The following ARMC8 variants were observed in gnomAD, a reference collection of about 807,000 sequenced individuals.
The protein encoded by ARMC8 is armadillo repeat-containing protein 8.
Under a neutral mutation model 99.3 loss-of-function variants are expected in ARMC8, and 20 were observed. The ratio of observed to expected loss-of-function variants is 0.20; its 90% confidence interval spans 0.14 to 0.29. ARMC8 has a LOEUF of 0.29. Ranked by LOEUF, ARMC8 falls within the 10% of genes least tolerant of loss-of-function variation. The probability of loss-of-function intolerance (pLI) is 1.00; values close to 1 mark genes in which losing one functional copy is unlikely to be tolerated. For synonymous variants in ARMC8, 263 were observed against 278.3 expected (o/e 0.95, Z 0.55); for missense variants, 569 against 809.5 (o/e 0.70, Z 3.60).
intron 19 of ARMC8, chr3:138,287,972 T>C: frequency 5.4e-6 from 1 of 185,638 alleles, no homozygotes; most frequent in Admixed American, 5.7e-5. Flanking sequence ...GGTTGTACTT[T>C]CAGTACATAA....
At chr3:138,208,881 T>C (rs1250020098) in intron 1 of ARMC8, among the ~76,000 whole-genome samples, 1 of 152,182 alleles carries the variant, frequency 6.6e-6, no homozygotes, top group Non-Finnish European at 1.5e-5. Context: ...AGGAGGTAAG[T>C]GTCTTCCCTT....
chr3:138,227,185 T>A (rs934619320), intron 5 of ARMC8, among the ~76,000 whole-genome samples: 4 of 152,210 alleles, frequency 2.6e-5, no homozygotes, highest in Admixed American at 1.3e-4. Flanking sequence ...ATAATTGTTA[T>A]TTGCCTTAAT....
intron 6 of ARMC8, among the ~76,000 whole-genome samples, chr3:138,230,039 T>G (rs2045952709): frequency 6.6e-6 from 1 of 152,200 alleles, no homozygotes; most frequent in Non-Finnish European, 1.5e-5. Flanking sequence ...CTAAACCCCC[T>G]TCCAAACAAA....
chr3:138,275,112 A>T (rs2049150406), intron 18 of ARMC8, among the ~76,000 whole-genome samples: 1 of 152,100 alleles, frequency 6.6e-6, no homozygotes, highest in Admixed American at 6.5e-5. Context: ...ATTTTCTGGG[A>T]TTTATCATGG....
intron 9 of ARMC8, chr3:138,238,369 A>G (rs1264362486): frequency 6.6e-6 from 1 of 152,204 alleles, no homozygotes; most frequent in Non-Finnish European, 1.5e-5. Flanking sequence ...CCAGCTGCAG[A>G]GTTTTTATTA....
At chr3:138,188,366 G>A (rs959606340) in intron 1 of ARMC8, 3 of 1,421,692 alleles carry the variant, frequency 2.1e-6, no homozygotes, top group African/African-American at 1.5e-5. Context: ...GACATGCCAG[G>A]AAGTAAAACC....
At chr3:138,256,632 G>T (rs1307456742) in intron 12 of ARMC8, among the ~76,000 whole-genome samples, 1 of 151,768 alleles carries the variant, frequency 6.6e-6, no homozygotes, top group Non-Finnish European at 1.5e-5. Context: ...GGATGTTCTC[G>T]ATGTCCCGAC....
intron 9 of ARMC8, chr3:138,238,643 A>G (rs146891545): frequency 6.6e-6 from 1 of 152,320 alleles, no homozygotes; most frequent in African/African-American, 2.4e-5. Context: ...GTAATGTTCT[A>G]AAGTAAATGG....
intron 3 of ARMC8, among the ~76,000 whole-genome samples, chr3:138,223,081 C>G (rs1399815358): frequency 6.6e-6 from 1 of 151,998 alleles, no homozygotes; most frequent in African/African-American, 2.4e-5. Context: ...TTTTGGAGAC[C>G]CAGCAGGAAG....
intron 1 of ARMC8, among the ~76,000 whole-genome samples, chr3:138,194,484 C>T (rs1404523589): frequency 6.6e-6 from 1 of 151,330 alleles, no homozygotes; most frequent in Non-Finnish European, 1.5e-5. Context: ...ACTACAGGCA[C>T]CTGCCACCAC....
At chr3:138,221,888 G>A in intron 2 of ARMC8, 38 bp from the exon 3 acceptor site, 2 of 1,500,266 alleles carry the variant, frequency 1.3e-6, no homozygotes, top group East Asian at 2.3e-5. Flanking sequence ...CTTCAGTGCT[G>A]TCTCAACATA....
intron 1 of ARMC8, among the ~76,000 whole-genome samples, chr3:138,207,091 A>T (rs145987435): frequency 6.6e-6 from 1 of 152,218 alleles, no homozygotes; most frequent in East Asian, 1.9e-4. Context: ...ATACTTGCTG[A>T]TTGTTTACTT....
chr3:138,263,507 C>T, intron 12 of ARMC8: 1 of 544,836 alleles, frequency 1.8e-6, no homozygotes, highest in South Asian at 2.2e-5. Flanking sequence ...TAAAAATAAA[C>T]AACATAACCT....
At chr3:138,228,874 C>T (rs916186233) in intron 5 of ARMC8, 44 bp from the exon 6 acceptor site, 2 of 1,159,676 alleles carry the variant, frequency 1.7e-6, no homozygotes, top group African/African-American at 3.1e-5. Flanking sequence ...ATCAAATGTA[C>T]TCATGGTGCC....
At chr3:138,228,579 C>T (rs1424795773) in intron 5 of ARMC8, 3 of 406,658 alleles carry the variant, frequency 7.4e-6, no homozygotes, top group Non-Finnish European at 1.4e-5. Flanking sequence ...TAGTGCATAA[C>T]GTACTAGTTA....
chr3:138,246,357 C>A (rs751472747), intron 12 of ARMC8: 1 of 984,886 alleles, frequency 1.0e-6, no homozygotes, highest in African/African-American at 1.7e-5. Flanking sequence ...TTTGGTACAT[C>A]TAAGTTTTCA....
intron 1 of ARMC8, among the ~76,000 whole-genome samples, chr3:138,197,502 C>T (rs1412897761): frequency 6.6e-6 from 1 of 152,144 alleles, no homozygotes; most frequent in Admixed American, 6.5e-5. Context: ...AGGACAACAC[C>T]TCACCCATAT....
chr3:138,280,586 C>T (rs754471796), intron 18 of ARMC8, among the ~76,000 whole-genome samples: 12 of 150,650 alleles, frequency 8.0e-5, no homozygotes, highest in East Asian at 3.9e-4. Context: ...CTCCGTCTTC[C>T]GGGTTCACGC....
chr3:138,279,181 G>T (rs1487712656), intron 18 of ARMC8, among the ~76,000 whole-genome samples: 1 of 152,154 alleles, frequency 6.6e-6, no homozygotes, highest in Non-Finnish European at 1.5e-5. Flanking sequence ...GAAAGGAAAA[G>T]AAATTATCTT....
Sources: gnomAD v4.1 joint callset for allele counts (sites outside exome capture counted in the v4.1 genomes callset) on GRCh38, gnomAD v4.1.1 for gene constraint, MANE v1.5 for transcripts, NCBI Gene and HGNC (gene_info 2026-07-23, HGNC 2026-07-21) for gene names.